The following SH2D3C variants were observed in gnomAD, a reference collection of about 807,000 sequenced individuals.
The protein encoded by SH2D3C is SH2 domain containing 3C, also known as SH2 domain-containing protein 3C.
Under a neutral mutation model 75.2 loss-of-function variants are expected in SH2D3C, and 25 were observed. The ratio of observed to expected loss-of-function variants is 0.33; its 90% CI spans 0.24 to 0.46. SH2D3C has a LOEUF of 0.46. Ranked by LOEUF, SH2D3C falls within the 20% of genes least tolerant of loss-of-function variation. The pLI is 1.00. For missense variants in SH2D3C, 933 were observed against 1,165.3 expected (o/e 0.80, Z 2.90); for synonymous variants, 450 against 473.7 (o/e 0.95, Z 0.65).
In SH2D3C at chr9:127,751,178, G is replaced by A; in HGVS notation, c.678C>T (p.Pro226=). The A allele has an allele frequency of 5.6e-6, 9 of 1,613,908 alleles. No homozygotes were observed. The highest frequency in any genetic ancestry group is 7.6e-6 in the Non-Finnish European group (9 of 1,180,028). ...RSHAWYHGRI[P]REVSETLVQR... is the part of the protein sequence containing the mutation. ...CAGCTCGGGGCCTACTCACCTCTCG[G>A]GGGATGCGGCCATGGTACCAGGCAT... is the stretch of plus-strand genomic sequence containing the variant. Residue 226 remains proline (P), a synonymous_variant, in exon 4 of 12, where the codon CCC becomes CCT. Transcript: ENST00000314830. This position sits in a 1 kb window ranked among gnomAD's most constrained non-coding sequence, Gnocchi z 4.1.
intron 9 of SH2D3C, 125 bp from the exon 10 acceptor site, chr9:127,740,494 A>T: frequency 1.6e-6 from 1 of 636,196 alleles, no homozygotes; most frequent in Non-Finnish European, 2.8e-6. Flanking sequence ...TTCATGTACC[A>T]GGGACAGTGA....
Position 127,751,425 on chromosome 9 carries a change from G to T in SH2D3C, c.556-125C>A. 1.1e-6 allele frequency: 1 copy of T among 888,728 alleles called. No individual in the cohort carries two copies. The highest frequency in any genetic ancestry group is 1.8e-6 in the Non-Finnish European group (1 of 566,032). 55.1% of individuals were successfully genotyped at this position (888,728 alleles called of 1,614,324 possible). ...ACTCTGGGAACACTAAGGCACAGGT[G>T]CCAGACCCTTTCCCATGGGTCCCAG... is the stretch of plus-strand genomic sequence containing the variant. On this transcript the variant is annotated intron_variant, in intron 3 of 11. Coordinates refer to ENST00000314830, the MANE Select transcript of SH2D3C (RefSeq NM_170600.3). This position sits in a 1 kb window ranked among gnomAD's most constrained non-coding sequence, Gnocchi z 4.1.
chr9:127,771,746 C>T (rs894428654), intron 2 of SH2D3C, among the ~76,000 whole-genome samples: 9 of 152,236 alleles, frequency 5.9e-5, no homozygotes, highest in Non-Finnish European at 1.0e-4. Flanking sequence ...ATCATCAGGC[C>T]CTCTCAGCTA....
rs985216063 is a variant in SH2D3C, at chr9:127,754,195, T to C, written c.556-2895A>G. Among the ~76,000 whole-genome samples the C allele has an allele frequency of 3.9e-5, 6 of 152,118 alleles. No homozygotes were observed. The highest frequency in any genetic ancestry group is 1.4e-4 in the African/African-American group (6 of 41,428). On this transcript the variant is annotated intron_variant, in intron 3 of 11. Coordinates refer to ENST00000314830, the MANE Select transcript of SH2D3C (RefSeq NM_170600.3). The surrounding 1 kb of genome is among the most constrained non-coding windows in gnomAD (Gnocchi z 4.4). ...GAGATGATCTCACCGCCTCCCGGCC[T>C]GCGCGCGCCTGATTGGCCGGTGCGG...
chr9:127,738,826 G>A lies in SH2D3C; in HGVS notation c.2503C>T (p.Arg835Trp), dbSNP rs776348537. The A allele has an allele frequency of 1.2e-5, 19 of 1,605,424 alleles. No individual in the cohort carries two copies. Among genetic ancestry groups the A allele is most frequent in the African/African-American group, 5.3e-5 (4 of 74,818 alleles). Reference sequence around the variant, plus strand: ...ACCTTGTCGAACTTCTCATAGCGCCGGGCCTGGCTGCTGCTGGCACCCTGA... The same window carrying A: ...ACCTTGTCGAACTTCTCATAGCGCCAGGCCTGGCTGCTGCTGGCACCCTGA... Reference protein sequence around the residue: ...GSQGASSSQARRYEKFDKVLT... With the variant: ...GSQGASSSQAWRYEKFDKVLT... Residue 835 changes from arginine (R) to tryptophan (W), a missense_variant, in exon 12 of 12, where the codon CGG (arginine) becomes TGG (tryptophan). By Grantham distance (101) the Arg-to-Trp change is moderately radical. Transcript: ENST00000314830. The surrounding 1 kb of genome is among the most constrained non-coding windows in gnomAD (Gnocchi z 5.0).
chr9:127,774,516 CAGTGATAATA>C lies in SH2D3C; in HGVS notation c.38-59_38-50del, dbSNP rs763358066. 2 of 952,740 alleles carry C rather than the reference CAGTGATAATA, an allele frequency of 2.1e-6. No homozygotes were observed. Among genetic ancestry groups the C allele is most frequent in the Non-Finnish European group, 3.4e-6 (2 of 592,286 alleles). 59.0% of individuals were successfully genotyped at this position (952,740 alleles called of 1,614,324 possible). A position where few individuals can be genotyped will look rare whatever the true frequency, so the allele number is the denominator to read the frequency against. ...AAGAAGTTAATGACAATGTCAACAT[CAGTGATAATA>C]ATGAACAATTCCTGCAGTTTCACTC... is the stretch of plus-strand genomic sequence containing the variant. On this transcript the variant is annotated intron_variant, in intron 1 of 11. Transcript: ENST00000314830. The surrounding 1 kb of genome is among the most constrained non-coding windows in gnomAD (Gnocchi z 4.3).
chr9:127,754,884 C>A lies in SH2D3C; in HGVS notation c.556-3584G>T, dbSNP rs900773103. The A allele has an allele frequency of 7.9e-6, 4 of 507,154 alleles. No individual in the cohort carries two copies. The highest frequency in any genetic ancestry group is 5.9e-5 in the African/African-American group (3 of 50,694). The allele number at this position is 507,154 out of a possible 1,614,324, so 31.4% of individuals were successfully genotyped here. A position where few individuals can be genotyped will look rare whatever the true frequency, so the allele number is the denominator to read the frequency against. On this transcript the variant is annotated intron_variant, in intron 3 of 11. Transcript: ENST00000314830. The surrounding 1 kb of genome is among the most constrained non-coding windows in gnomAD (Gnocchi z 4.4). ...CCCAGGAGTGGCCGCCGAACCCTCA[C>A]CCCGCGGAGCGCCTGGGCGCCCAGA... is the stretch of plus-strand genomic sequence containing the variant.
Position 127,749,195 on chromosome 9 carries a change from T to G in SH2D3C, c.1139+16A>C. 1 of 1,530,118 alleles carries G rather than the reference T, an allele frequency of 6.5e-7. No homozygotes were observed. Among genetic ancestry groups the G allele is most frequent in the Middle Eastern group, 1.9e-4 (1 of 5,382 alleles). The allele number at this position is 1,530,118 out of a possible 1,614,324, so 94.8% of individuals were successfully genotyped here. A position where few individuals can be genotyped will look rare whatever the true frequency, so the allele number is the denominator to read the frequency against. ...ATTACCCACAACCCCATTTGACAAA[T>G]GGGGCCCTGGCTGACCTGGTGGGGC... On this transcript the variant is annotated intron_variant, in intron 5 of 11. Coordinates refer to ENST00000314830, the MANE Select transcript of SH2D3C (RefSeq NM_170600.3). This position sits in a 1 kb window ranked among gnomAD's most constrained non-coding sequence, Gnocchi z 5.9.
rs1844753251 is a variant in SH2D3C, at chr9:127,738,571, A to T, written c.*175T>A. ...AATGGAGACCTGGTGAGCATGTAGC[A>T]GGTGGGATGGAACCCAGAGTCCACG... On this transcript the variant is annotated 3_prime_UTR_variant, in exon 12 of 12. Transcript: ENST00000314830. The surrounding 1 kb of genome is among the most constrained non-coding windows in gnomAD (Gnocchi z 5.0). The T allele has an allele frequency of 3.7e-6, 2 of 538,656 alleles. No homozygotes were observed. The highest frequency in any genetic ancestry group is 6.1e-6 in the Non-Finnish European group (2 of 325,866). The allele number at this position is 538,656 out of a possible 1,614,324, so 33.4% of individuals were successfully genotyped here. A position where few individuals can be genotyped will look rare whatever the true frequency, so the allele number is the denominator to read the frequency against.
At chr9:127,742,722 A>T (rs1357189183) in intron 8 of SH2D3C, 127 bp downstream of exon 8, 4 of 630,502 alleles carry the variant, frequency 6.3e-6, no homozygotes, top group Admixed American at 2.8e-5. Flanking sequence ...GGTCAATGGG[A>T]TGGGAGGCGT....
At chr9:127,755,571 G>C (rs957976592) in intron 3 of SH2D3C, among the ~76,000 whole-genome samples, 1 of 152,194 alleles carries the variant, frequency 6.6e-6, no homozygotes, top group African/African-American at 2.4e-5. Flanking sequence ...ACCGGGAGCG[G>C]GCAGAGACTT....
Position 127,754,195 on chromosome 9 carries a change from T to G in SH2D3C, c.556-2895A>C, listed in dbSNP as rs985216063. Among the ~76,000 whole-genome samples the G allele has an allele frequency of 3.3e-5, 5 of 152,118 alleles. No individual in the cohort carries two copies. Among genetic ancestry groups the G allele is most frequent in the African/African-American group, 9.7e-5 (4 of 41,428 alleles). ...GAGATGATCTCACCGCCTCCCGGCC[T>G]GCGCGCGCCTGATTGGCCGGTGCGG... On this transcript the variant is annotated intron_variant, in intron 3 of 11. Transcript: ENST00000314830. The surrounding 1 kb of genome is among the most constrained non-coding windows in gnomAD (Gnocchi z 4.4).
At chr9:127,745,202 A>G in intron 6 of SH2D3C, 103 bp from the exon 7 acceptor site, 3 of 983,090 alleles carry the variant, frequency 3.1e-6, no homozygotes, top group Non-Finnish European at 4.2e-6. Context: ...CCTTGTAGGG[A>G]GTACAGAGGT....
At chr9:127,772,512 G>A (rs949942689) in intron 2 of SH2D3C, among the ~76,000 whole-genome samples, 14 of 152,194 alleles carry the variant, frequency 9.2e-5, no homozygotes, top group African/African-American at 1.7e-4. Context: ...TGCCTACCTC[G>A]GCCACCCAAA....
At chr9:127,743,001 C>G (rs375088470) in intron 7 of SH2D3C, 37 bp from the exon 8 acceptor site, 1 of 1,511,538 alleles carries the variant, frequency 6.6e-7, no homozygotes, top group Non-Finnish European at 9.2e-7. Context: ...AATATCCTGT[C>G]AGGGCTGGCC....
rs561157388 is a variant in SH2D3C, at chr9:127,774,552, G to A, written c.38-85C>T. 13 of 765,530 alleles carry A rather than the reference G, an allele frequency of 1.7e-5. No homozygotes were observed. The highest frequency in any genetic ancestry group is 5.0e-5 in the East Asian group (2 of 40,092). 47.4% of individuals were successfully genotyped at this position (765,530 alleles called of 1,614,324 possible). The stretch of plus-strand genomic sequence containing the variant: ...ATGAACAATTCCTGCAGTTTCACTC[G>A]GTGAGGGGCTGAAGAGGGCTGGCGG... On this transcript the variant is annotated intron_variant, in intron 1 of 11. Coordinates refer to ENST00000314830, the MANE Select transcript of SH2D3C (RefSeq NM_170600.3). The surrounding 1 kb of genome is among the most constrained non-coding windows in gnomAD (Gnocchi z 4.3).
At position 127,738,811 on chromosome 9, in the gene SH2D3C, ACTT is replaced by A; in HGVS notation, c.2515_2517del (p.Lys839del). 12 of 1,608,742 alleles carry A rather than the reference ACTT, an allele frequency of 7.5e-6. No homozygotes were observed. Among genetic ancestry groups the A allele is most frequent in the Non-Finnish European group, 9.3e-6 (11 of 1,177,922 alleles). ...GACAGGGCAGTGAGGACCTTGTCGA[ACTT>A]CTCATAGCGCCGGGCCTGGCTGCTG... On this transcript the variant is annotated inframe_deletion, in exon 12 of 12. Coordinates refer to ENST00000314830, the MANE Select transcript of SH2D3C (RefSeq NM_170600.3). The surrounding 1 kb of genome is among the most constrained non-coding windows in gnomAD (Gnocchi z 5.0).
chr9:127,765,268 C>T (rs901324927), intron 2 of SH2D3C, among the ~76,000 whole-genome samples: 12 of 152,160 alleles, frequency 7.9e-5, no homozygotes, highest in South Asian at 2.1e-4. Context: ...TACCACATTC[C>T]CTTCCCTGCT....
At chr9:127,778,405 G>A (rs570299189) in intron 1 of SH2D3C, among the ~76,000 whole-genome samples, 186 bp downstream of exon 1, 2 of 152,098 alleles carry the variant, frequency 1.3e-5, no homozygotes, top group East Asian at 1.9e-4. Flanking sequence ...GCAGTGAGCC[G>A]AGATTGTGCC....
Sources: allele counts gnomAD v4.1 joint callset (sites outside exome capture counted in the v4.1 genomes callset), GRCh38; gene constraint gnomAD v4.1.1; non-coding constraint Gnocchi (gnomAD v3.1); transcripts MANE v1.5; gene names NCBI Gene and HGNC (gene_info 2026-07-23, HGNC 2026-07-21).